The following HDGFL2 variants were observed in gnomAD, a reference collection of about 807,000 sequenced individuals.
The protein encoded by HDGFL2 is HDGF like 2, also known as hepatoma-derived growth factor-related protein 2.
Under a neutral mutation model 77.1 loss-of-function variants are expected in HDGFL2, and 36 were observed. That is an observed-to-expected ratio of 0.47 (90% CI 0.36 to 0.62). The LOEUF (loss-of-function observed/expected upper bound fraction) is 0.62, where lower values mean the gene tolerates loss of function less well. Ranked by LOEUF, HDGFL2 falls within the 20% of genes least tolerant of loss-of-function variation. HDGFL2 has a pLI of 0.00. For synonymous variants in HDGFL2, 463 were observed against 413.1 expected (o/e 1.12, Z -1.46); for missense variants, 976 against 973.4 (o/e 1.00, Z -0.04).
chr19:4,499,424 AG>A (rs1361982753), intron 13 of HDGFL2, 66 bp from the exon 14 acceptor site: 1 of 1,451,596 alleles, frequency 6.9e-7, no homozygotes, highest in Non-Finnish European at 9.4e-7. Flanking sequence ...TGCTGGGGCG[AG>A]GGGTTCAGAG....
In HDGFL2 at chr19:4,491,605, C is replaced by G; in HGVS notation, c.529C>G (p.Leu177Val). The G allele has an allele frequency of 1.2e-6, 2 of 1,613,964 alleles. No individual in the cohort carries two copies. Among genetic ancestry groups the G allele is most frequent in the South Asian group, 1.1e-5 (1 of 91,080 alleles). ...ACGAGCCCGAAAGGCCTCCAGCGAC[C>G]TGGATCAGGCCAGCGTGTCCCCATC... Reference protein sequence around the residue: ...SKRARKASSDLDQASVSPSEE... With the variant: ...SKRARKASSDVDQASVSPSEE... The change falls in exon 5 of 16, where the codon CTG becomes GTG. Residue 177 changes from leucine (L) to valine (V), a missense_variant. Physicochemically the swap from Leu to Val is conservative, Grantham distance 32. Coordinates refer to ENST00000616600, the MANE Select transcript of HDGFL2 (RefSeq NM_001001520.3).
rs1599724735 is a variant in HDGFL2 at position 4,498,485 on chromosome 19, T to TG, written c.1473+112dup. 13 of 880,380 alleles carry TG rather than the reference T, an allele frequency of 1.5e-5. 1 individual carries two copies. The East Asian group carries it at 3.4e-4, about 23-fold the overall frequency. The allele number at this position is 880,380 out of a possible 1,614,324, so 54.5% of individuals were successfully genotyped here. ...GCAAAGCCGGGGTCCTGCAGTTGGG[T>TG]GGGCCAGGAGTCTGTTCCGGTTGCT... On this transcript the variant is annotated intron_variant, in intron 12 of 15. Coordinates refer to ENST00000616600, the MANE Select transcript of HDGFL2 (RefSeq NM_001001520.3).
At chr19:4,493,583 C>T (rs915391975) in intron 6 of HDGFL2, 120 bp from the exon 7 acceptor site, 2 of 1,243,062 alleles carry the variant, frequency 1.6e-6, no homozygotes, top group African/African-American at 1.6e-5. Context: ...GAGCCGGGCC[C>T]TGAGCCGAGG....
At chr19:4,495,385 CAAAA>C (rs747305046) in intron 9 of HDGFL2, among the ~76,000 whole-genome samples, 1 of 54,246 alleles carries the variant, frequency 1.8e-5, no homozygotes, top group Non-Finnish European at 3.2e-5. Flanking sequence ...GACTCCATCT[CAAAA>C]AAAAAAAAAA....
chr19:4,473,894 GC>G (rs1477848084), intron 1 of HDGFL2, among the ~76,000 whole-genome samples: 1 of 151,904 alleles, frequency 6.6e-6, no homozygotes, highest in Non-Finnish European at 1.5e-5. Flanking sequence ...ACAGGCCCGG[GC>G]CCAGGGAGTG....
intron 3 of HDGFL2, among the ~76,000 whole-genome samples, chr19:4,478,769 T>C (rs1472053074): frequency 6.6e-6 from 1 of 151,360 alleles, no homozygotes; most frequent in Non-Finnish European, 1.5e-5. Context: ...GCAACCTCTG[T>C]CTCCTGGGTT....
intron 1 of HDGFL2, among the ~76,000 whole-genome samples, chr19:4,474,042 G>C (rs1489659941): frequency 1.3e-5 from 2 of 152,204 alleles, no homozygotes; most frequent in Admixed American, 1.3e-4. Flanking sequence ...CCCAGGTGTG[G>C]AGGGGGTGAG....
rs566367557 is a variant in HDGFL2 at position 4,482,244 on chromosome 19, C to T, written c.289-6432C>T. On this transcript the variant is annotated intron_variant, in intron 3 of 15. Transcript: ENST00000616600. The stretch of plus-strand genomic sequence containing the variant: ...TTTTTTTTTGAGATGGAGTCTCGCT[C>T]TGTTGCCCAGGCTGGAGTGCAGTGG... Among the ~76,000 whole-genome samples, 368 of 151,228 alleles carry T rather than the reference C, an allele frequency of 2.4e-3. 2 individuals are homozygous for T. Among genetic ancestry groups the T allele is most frequent in the African/African-American group, 8.5e-3 (352 of 41,236 alleles).
chr19:4,489,963 C>T (rs1208276067), intron 4 of HDGFL2, among the ~76,000 whole-genome samples: 2 of 152,200 alleles, frequency 1.3e-5, no homozygotes, highest in East Asian at 3.9e-4. Context: ...TGTGGAGGGG[C>T]CTGTCCTGGG....
At chr19:4,492,999 T>TTTGGCAG (rs1975573371) in intron 6 of HDGFL2, among the ~76,000 whole-genome samples, 1 of 141,480 alleles carries the variant, frequency 7.1e-6, no homozygotes. Context: ...AGTGTGTGTG[T>TTTGGCAG]GGTTGTGTGT....
chr19:4,491,254 C>G (rs1568211745), intron 4 of HDGFL2, among the ~76,000 whole-genome samples: 1 of 72,818 alleles, frequency 1.4e-5, no homozygotes, highest in African/African-American at 5.4e-5. Flanking sequence ...CCACCACCCA[C>G]CCCCCCACCC....
chr19:4,494,556 A>G, intron 9 of HDGFL2, 81 bp downstream of exon 9: 7 of 1,082,316 alleles, frequency 6.5e-6, no homozygotes, highest in Non-Finnish European at 8.4e-6. Flanking sequence ...GCAGTATCCC[A>G]GGTTCCGGGA....
At position 4,499,572 on chromosome 19, in the gene HDGFL2, C is replaced by A; in HGVS notation, c.1657C>A (p.Pro553Thr). Residue 553 changes from proline to threonine, a missense_variant, in exon 14 of 16, where the codon CCA (proline) becomes ACA (threonine). Physicochemically the swap from Pro to Thr is conservative, Grantham distance 38. This residue lies in a region of HDGFL2 where 229 missense variants were observed against 187.3 expected (regional missense o/e 1.22). Transcript: ENST00000616600. ...CCGGCTCAAGTCGCGGGTCCTCGGC[C>A]CAAAGATCGAGGCGGTGCAGAAAGT... is the stretch of plus-strand genomic sequence containing the variant. ...YTRLKSRVLG[P>T]KIEAVQKVNK... 6.2e-7 allele frequency: 1 copy of A among 1,613,266 alleles called. No homozygotes were observed. The highest frequency in any genetic ancestry group is 8.5e-7 in the Non-Finnish European group (1 of 1,179,754).
In HDGFL2 at chr19:4,491,826, G is replaced by C; in HGVS notation, c.669G>C (p.Arg223=). 6.2e-7 allele frequency: 1 copy of C among 1,612,468 alleles called. No individual in the cohort carries two copies. Residue 223 remains arginine (R), a synonymous_variant, in exon 6 of 16, where the codon CGG becomes CGC. Coordinates refer to ENST00000616600, the MANE Select transcript of HDGFL2 (RefSeq NM_001001520.3). The part of the protein sequence containing the change: ...RAPRRGPLGG[R]KKKKAPSASD... Reference sequence around the variant, plus strand: ...CACGGAGGGGCCCTCTGGGGGGACGGAAAAAAAAGGTAGCGTGCACTTGAC... The same window carrying C: ...CACGGAGGGGCCCTCTGGGGGGACGCAAAAAAAAGGTAGCGTGCACTTGAC...
intron 3 of HDGFL2, among the ~76,000 whole-genome samples, chr19:4,475,953 G>T (rs1418818755): frequency 2.7e-5 from 4 of 150,892 alleles, no homozygotes; most frequent in Admixed American, 2.0e-4. Context: ...GCAGTGGCGC[G>T]ATCTCGGCTC....
intron 1 of HDGFL2, among the ~76,000 whole-genome samples, chr19:4,473,249 T>A (rs1469182558): frequency 1.0e-5 from 1 of 97,064 alleles, no homozygotes; most frequent in Non-Finnish European, 2.2e-5. Flanking sequence ...GCGGCGCCAA[T>A]GGTCTGGGGG....
intron 6 of HDGFL2, 43 bp downstream of exon 6, chr19:4,491,878 C>T (rs1568212296): frequency 3.2e-6 from 5 of 1,549,720 alleles, no homozygotes; most frequent in Non-Finnish European, 4.5e-6. Flanking sequence ...ACTCGTGGGG[C>T]ACCTCTGCGG....
rs776653414 is a variant in HDGFL2 at position 4,501,326 on chromosome 19, C to A, written c.1916+9C>A. 10 of 1,584,104 alleles carry A rather than the reference C, an allele frequency of 6.3e-6. No homozygotes were observed. Among genetic ancestry groups the A allele is most frequent in the Non-Finnish European group, 8.6e-6 (10 of 1,162,734 alleles). ...TCTGAAGACCTGCACGAGTGAGTGT[C>A]CCGGGCCGTGGGGTTTGGACTCCTG... On this transcript the variant is annotated intron_variant, in intron 15 of 15. Coordinates refer to ENST00000616600, the MANE Select transcript of HDGFL2 (RefSeq NM_001001520.3).
Position 4,475,440 on chromosome 19 carries a change from T to C in HDGFL2, c.150-5T>C, listed in dbSNP as rs1975046806. On this transcript the variant is annotated splice_region_variant and splice_polypyrimidine_tract_variant and intron_variant, in intron 2 of 15. Transcript: ENST00000616600. ...CTGGGACTGGCCCCCGTTTCCCTTC[T>C]CCAGAGCCTTCCTGGGACCCAAGGA... 3.7e-6 allele frequency: 6 copies of C among 1,613,550 alleles called. No individual in the cohort carries two copies. The highest frequency in any genetic ancestry group is 5.1e-6 in the Non-Finnish European group (6 of 1,179,850).
Sources: gnomAD v4.1 joint callset for allele counts (sites outside exome capture counted in the v4.1 genomes callset) on GRCh38, gnomAD v4.1.1 for gene constraint, gnomAD v4.1.1 regional missense constraint, MANE v1.5 for transcripts, NCBI Gene and HGNC (gene_info 2026-07-23, HGNC 2026-07-21) for gene names.